Variants in CFAP54 observed in about 807,000 individuals in gnomAD.
CFAP54 encodes cilia- and flagella-associated protein 54.
In CFAP54, 290 loss-of-function variants were observed where a neutral mutation model predicts 370.4. That is an observed-to-expected ratio of 0.78 (90% confidence interval 0.71 to 0.86). The LOEUF (loss-of-function observed/expected upper bound fraction) is 0.86, where lower values mean the gene tolerates loss of function less well. Ranked by LOEUF, CFAP54 falls within the 40% of genes least tolerant of loss-of-function variation. CFAP54 has a pLI of 0.00. For synonymous variants in CFAP54, 1,206 were observed against 1,236.5 expected, an observed-to-expected ratio of 0.98 and a Z score of 0.52; for missense variants, 3,399 against 3,528.7, an observed-to-expected ratio of 0.96 and a Z score of 0.93.
intron 36 of CFAP54, among the ~76,000 whole-genome samples, chr12:96,655,891 A>T (rs1390896382): frequency 1.3e-5 from 2 of 152,158 alleles, no homozygotes; most frequent in Non-Finnish European, 1.5e-5. Flanking sequence ...AGGTAGGATT[A>T]TAGTATTGTA....
intron 55 of CFAP54, among the ~76,000 whole-genome samples, chr12:96,752,972 C>CCGA (rs1408758453): frequency 2.6e-5 from 4 of 152,148 alleles, no homozygotes; most frequent in African/African-American, 9.7e-5. Context: ...ATAATGGTGC[C>CCGA]CACTCAGAGT....
chr12:96,712,152 A>G (rs911478098), intron 48 of CFAP54, among the ~76,000 whole-genome samples: 5 of 151,754 alleles, frequency 3.3e-5, no homozygotes, highest in African/African-American at 9.7e-5. Context: ...TTTCCATCCA[A>G]TGGTTGTTTA....
intron 15 of CFAP54, among the ~76,000 whole-genome samples, chr12:96,552,374 C>CA (rs1269681651): frequency 2.0e-5 from 3 of 151,516 alleles, no homozygotes; most frequent in African/African-American, 7.3e-5. Context: ...AACAGGGTCT[C>CA]ACTCTGTTAC....
intron 12 of CFAP54, among the ~76,000 whole-genome samples, chr12:96,537,229 G>T (rs540144926): frequency 6.6e-6 from 1 of 152,248 alleles, no homozygotes; most frequent in African/African-American, 2.4e-5. Context: ...TGGCTCATCA[G>T]TTGACACCCA....
chr12:96,540,648 T>A (rs577502442), intron 13 of CFAP54, among the ~76,000 whole-genome samples, 189 bp from the exon 14 acceptor site: 4 of 152,350 alleles, frequency 2.6e-5, no homozygotes, highest in Admixed American at 1.3e-4. Flanking sequence ...TTACTAAATA[T>A]CATTTTAAAA....
intron 14 of CFAP54, among the ~76,000 whole-genome samples, chr12:96,545,221 T>C (rs1002540520): frequency 6.6e-6 from 1 of 152,044 alleles, no homozygotes; most frequent in African/African-American, 2.4e-5. Flanking sequence ...CCTCTTCCTC[T>C]TCTTATAAAG....
rs1020022643 is a variant in CFAP54 at position 96,717,683 on chromosome 12, A to T, written c.6725-760A>T. ...AAGAGATATTTGAGTATTGTGGATT[A>T]TGCTCTTCCAGCTGGTCTCACGCTC... On this transcript the variant is annotated intron_variant, in intron 48 of 67. Coordinates refer to ENST00000524981, the MANE Select transcript of CFAP54 (RefSeq NM_001306084.2). Among the ~76,000 whole-genome samples, 3 of 152,198 alleles carry T rather than the reference A, an allele frequency of 2.0e-5. No individual in the cohort carries two copies. In the South Asian group the frequency reaches 6.2e-4, roughly 32 times the overall value.
chr12:96,872,090 C>G (rs899712608), intron 67 of CFAP54, among the ~76,000 whole-genome samples: 6 of 151,916 alleles, frequency 3.9e-5, no homozygotes, highest in Non-Finnish European at 8.8e-5. Context: ...TCAATGAACT[C>G]CAAGCATGAT....
chr12:96,817,350 G>A (rs143489530), intron 64 of CFAP54, among the ~76,000 whole-genome samples: 84 of 152,130 alleles, frequency 5.5e-4, no homozygotes, highest in Middle Eastern at 3.4e-3. Flanking sequence ...GATGCTTGGC[G>A]ATATCAGAAA....
At chr12:96,650,836 G>T (rs1956850569) in intron 35 of CFAP54, among the ~76,000 whole-genome samples, 1 of 152,014 alleles carries the variant, frequency 6.6e-6, no homozygotes, top group African/African-American at 2.4e-5. Context: ...ATCCTATCCT[G>T]GCCTCCAGCT....
intron 15 of CFAP54, among the ~76,000 whole-genome samples, chr12:96,548,388 C>A (rs1955661948): frequency 6.6e-6 from 1 of 152,046 alleles, no homozygotes; most frequent in South Asian, 2.1e-4. Context: ...TTTTTAATAA[C>A]ATGCCACCCC....
chr12:96,736,387 C>T (rs1474019733), intron 50 of CFAP54, among the ~76,000 whole-genome samples: 1 of 152,150 alleles, frequency 6.6e-6, no homozygotes, highest in African/African-American at 2.4e-5. Flanking sequence ...CAGGGAAGTG[C>T]TCTGATTGGC....
intron 26 of CFAP54, among the ~76,000 whole-genome samples, chr12:96,608,753 C>T (rs985554260): frequency 2.6e-5 from 4 of 151,922 alleles, no homozygotes; most frequent in Non-Finnish European, 5.9e-5. Context: ...TGAGCCACCA[C>T]GCCCAGCTGC....
chr12:96,651,402 A>G (rs1396896021), intron 35 of CFAP54, among the ~76,000 whole-genome samples, 186 bp from the exon 36 acceptor site: 1 of 152,206 alleles, frequency 6.6e-6, no homozygotes, highest in Non-Finnish European at 1.5e-5. Flanking sequence ...CACTTACTTC[A>G]TGGAAATCTT....
chr12:96,545,142 A>G (rs933993098), intron 14 of CFAP54, among the ~76,000 whole-genome samples: 8 of 151,892 alleles, frequency 5.3e-5, no homozygotes, highest in Non-Finnish European at 1.2e-4. Context: ...TGAACTCCTG[A>G]CCTCAGGTGA....
chr12:96,838,375 C>A (rs756317377), intron 66 of CFAP54, among the ~76,000 whole-genome samples: 3 of 151,882 alleles, frequency 2.0e-5, no homozygotes, highest in Non-Finnish European at 4.4e-5. Flanking sequence ...CTGGAGGAAT[C>A]AGAGATGGTG....
At chr12:96,688,793 A>G in intron 42 of CFAP54, 123 bp from the exon 43 acceptor site, 1 of 504,016 alleles carries the variant, frequency 2.0e-6, no homozygotes. Flanking sequence ...ATTTTCTTAT[A>G]TATTTATATG....
intron 44 of CFAP54, 142 bp from the exon 45 acceptor site, chr12:96,693,580 A>T: frequency 1.9e-6 from 1 of 534,768 alleles, no homozygotes; most frequent in Non-Finnish European, 3.2e-6. Context: ...TATTTCACTT[A>T]TTTTCAACAG....
intron 66 of CFAP54, among the ~76,000 whole-genome samples, chr12:96,838,254 CA>C (rs1357671694): frequency 6.6e-6 from 1 of 150,960 alleles, no homozygotes; most frequent in Non-Finnish European, 1.5e-5. Flanking sequence ...GAGAATGAGA[CA>C]AATCCTAAAA....
Sources: allele counts gnomAD v4.1 joint callset (sites outside exome capture counted in the v4.1 genomes callset), GRCh38; gene constraint gnomAD v4.1.1; transcripts MANE v1.5; gene names NCBI Gene and HGNC (gene_info 2026-07-23, HGNC 2026-07-21).